Variants in FAM193A observed in about 807,000 individuals in gnomAD.
The protein encoded by FAM193A is family with sequence similarity 193 member A.
In FAM193A, 22 loss-of-function variants were observed where a neutral mutation model predicts 126.5. That is an observed-to-expected ratio of 0.17 (90% CI 0.12 to 0.25). The LOEUF is 0.25. Among genes scored for constraint, FAM193A ranks in the 10% least tolerant of loss-of-function variants. The pLI, the probability that FAM193A is intolerant of heterozygous loss-of-function variation, is 1.00. For missense variants in FAM193A, 1,675 were observed against 1,672.8 expected, an observed-to-expected ratio of 1.00 and a Z score of -0.02; for synonymous variants, 761 against 646.8, an observed-to-expected ratio of 1.18 and a Z score of -2.68.
intron 2 of FAM193A, among the ~76,000 whole-genome samples, chr4:2,624,126 T>C (rs1742732688): frequency 6.6e-6 from 1 of 151,578 alleles, no homozygotes; most frequent in Non-Finnish European, 1.5e-5. Context: ...TAGTTGTTGT[T>C]GGTGAAATCC....
intron 18 of FAM193A, 45 bp downstream of exon 18, chr4:2,696,638 A>C: frequency 6.8e-7 from 1 of 1,476,844 alleles, no homozygotes; most frequent in East Asian, 2.3e-5. Flanking sequence ...GTCTGAGGGC[A>C]TTTGAAGGTG....
chr4:2,672,441 C>A, intron 13 of FAM193A, 69 bp downstream of exon 13: 1 of 1,554,576 alleles, frequency 6.4e-7, no homozygotes, highest in Non-Finnish European at 8.8e-7. Context: ...CATAGTCAAA[C>A]AAAGAAATCT....
rs144441001 is a variant in FAM193A, at chr4:2,659,822, G to A, written c.1513G>A (p.Asp505Asn). The change falls in exon 10 of 21, where the codon GAT (aspartate) becomes AAT (asparagine). Residue 505 changes from aspartate to asparagine, a missense_variant. Transcript: ENST00000637812. The part of the protein sequence containing the change: ...NCNYRRRCAC[D>N]DCSLSHILTC... ...TTAATTCCTGATCAGATGTGCTTGC[G>A]ATGACTGCAGTCTCTCACACATCCT... 4 of 1,613,998 alleles carry A rather than the reference G, an allele frequency of 2.5e-6. No individual in the cohort carries two copies. The highest frequency in any genetic ancestry group is 3.4e-6 in the Non-Finnish European group (4 of 1,180,042).
chr4:2,628,428 C>T (rs1577096756), intron 4 of FAM193A, among the ~76,000 whole-genome samples: 1 of 151,984 alleles, frequency 6.6e-6, no homozygotes, highest in Non-Finnish European at 1.5e-5. Flanking sequence ...TGCTTGGGCC[C>T]AAGAGTTCAA....
intron 12 of FAM193A, among the ~76,000 whole-genome samples, chr4:2,668,770 CT>C (rs1422626708): frequency 1.3e-5 from 2 of 151,960 alleles, no homozygotes; most frequent in Non-Finnish European, 2.9e-5. Flanking sequence ...GCCTTCTTTT[CT>C]TTCTTTTCCT....
At chr4:2,646,657 C>T (rs1745172089) in intron 6 of FAM193A, 28 bp from the exon 7 acceptor site, 1 of 1,568,430 alleles carries the variant, frequency 6.4e-7, no homozygotes, top group African/African-American at 1.4e-5. Flanking sequence ...GGGTTCTTTC[C>T]TTTGTTACAA....
At chr4:2,554,325 C>T (rs1388366058) in intron 1 of FAM193A, among the ~76,000 whole-genome samples, 23 of 152,024 alleles carry the variant, frequency 1.5e-4, no homozygotes, top group Middle Eastern at 3.4e-3. Context: ...CCTCGTGATC[C>T]ACCCCGCTCA....
chr4:2,648,938 C>T (rs112332828), intron 7 of FAM193A, among the ~76,000 whole-genome samples: 3,151 of 152,312 alleles, frequency 0.021, 88 homozygotes, highest in African/African-American at 0.06. Flanking sequence ...GAACCCTGCA[C>T]GGCAGTCAAC....
chr4:2,699,534 G>A, intron 18 of FAM193A, 146 bp from the exon 19 acceptor site: 2 of 678,972 alleles, frequency 2.9e-6, no homozygotes, highest in Non-Finnish European at 2.5e-6. Flanking sequence ...TTGGAGGTGG[G>A]TGTGTGTTAA....
intron 13 of FAM193A, among the ~76,000 whole-genome samples, chr4:2,679,228 A>G (rs1016782783): frequency 4.6e-5 from 7 of 152,180 alleles, no homozygotes; most frequent in East Asian, 3.8e-4. Flanking sequence ...CTTTTTATAC[A>G]TAGAATTATC....
At chr4:2,686,683 G>A (rs960932466) in intron 13 of FAM193A, among the ~76,000 whole-genome samples, 6 of 152,166 alleles carry the variant, frequency 3.9e-5, no homozygotes, top group African/African-American at 9.7e-5. Flanking sequence ...ACTCATGGTC[G>A]TGTCTTGAGG....
chr4:2,539,326 T>C (rs1382937047), intron 1 of FAM193A, among the ~76,000 whole-genome samples: 1 of 152,208 alleles, frequency 6.6e-6, no homozygotes, highest in Non-Finnish European at 1.5e-5. Context: ...ATCTTAGTTT[T>C]ACTAATTACT....
chr4:2,610,739 C>A (rs964683561), intron 2 of FAM193A, among the ~76,000 whole-genome samples: 4 of 151,836 alleles, frequency 2.6e-5, no homozygotes, highest in African/African-American at 7.2e-5. Flanking sequence ...ATTTGAGTAT[C>A]AGTCTTTTTT....
chr4:2,669,706 C>T (rs1220208444), intron 12 of FAM193A, among the ~76,000 whole-genome samples: 2 of 152,206 alleles, frequency 1.3e-5, no homozygotes, highest in African/African-American at 4.8e-5. Flanking sequence ...ACCCTATACC[C>T]AGGGTCCCCA....
At chr4:2,551,323 T>G (rs1737905492) in intron 1 of FAM193A, among the ~76,000 whole-genome samples, 1 of 152,218 alleles carries the variant, frequency 6.6e-6, no homozygotes, top group Non-Finnish European at 1.5e-5. Flanking sequence ...GCACACCAAA[T>G]CTGAAAATCT....
intron 18 of FAM193A, among the ~76,000 whole-genome samples, chr4:2,697,230 C>T (rs946495977): frequency 2.0e-5 from 3 of 152,130 alleles, no homozygotes; most frequent in African/African-American, 7.2e-5. Context: ...GTGGTGTACG[C>T]CTGTAGTCCC....
At chr4:2,713,194 C>G (rs146935691) in intron 19 of FAM193A, among the ~76,000 whole-genome samples, 1 of 151,440 alleles carries the variant, frequency 6.6e-6, no homozygotes, top group Non-Finnish European at 1.5e-5. Flanking sequence ...ATCATGAGGT[C>G]AAGAGATCAA....
intron 1 of FAM193A, among the ~76,000 whole-genome samples, chr4:2,593,421 G>A (rs921870721): frequency 1.3e-5 from 2 of 152,182 alleles, no homozygotes; most frequent in African/African-American, 4.8e-5. Context: ...TGTCGGCTTC[G>A]GGGGTCTCCT....
intron 2 of FAM193A, among the ~76,000 whole-genome samples, chr4:2,623,252 G>A (rs1742663291): frequency 6.6e-6 from 1 of 151,828 alleles, no homozygotes; most frequent in Non-Finnish European, 1.5e-5. Context: ...CTCACTGCAA[G>A]CTCTGCCTTC....
Sources: allele counts gnomAD v4.1 joint callset (sites outside exome capture counted in the v4.1 genomes callset), GRCh38; gene constraint gnomAD v4.1.1; transcripts MANE v1.5; gene names NCBI Gene and HGNC (gene_info 2026-07-23, HGNC 2026-07-21).